Variants in NEB observed in about 807,000 individuals in gnomAD.
The protein encoded by NEB is nebulin.
In NEB, 512 loss-of-function variants were observed where a neutral mutation model predicts 952.2. The observed-to-expected ratio is 0.54, with a 90% CI of 0.50 to 0.58. The LOEUF (loss-of-function observed/expected upper bound fraction) is 0.58. NEB is among the 20% of genes least tolerant of loss of function. The probability of loss-of-function intolerance (pLI) is 0.00; values close to 1 mark genes in which losing one functional copy is unlikely to be tolerated. For missense variants in NEB, 8,428 were observed against 9,231.1 expected (o/e 0.91, Z 3.56); for synonymous variants, 2,900 against 3,149.8 (o/e 0.92, Z 2.66).
At chr2:151,650,999 G>T in intron 52 of NEB, 114 bp from the exon 53 acceptor site, 1 of 1,089,986 alleles carries the variant, frequency 9.2e-7, no homozygotes, top group Non-Finnish European at 1.3e-6. Flanking sequence ...ATGTTTCCCA[G>T]GCTGGTCTTG....
intron 36 of NEB, among the ~76,000 whole-genome samples, chr2:151,673,072 A>G (rs2099319821): frequency 6.6e-6 from 1 of 152,192 alleles, no homozygotes; most frequent in Admixed American, 6.5e-5. Flanking sequence ...CAGCTATAGG[A>G]TAGCTGGGCC....
In NEB at chr2:151,680,761, T is replaced by G. The variant is rs2099408496; in HGVS notation, c.3011A>C (p.Gln1004Pro). The change falls in exon 30 of 182, where the codon CAG becomes CCG. Residue 1004 changes from glutamine (Q) to proline (P), a missense_variant. Gln to Pro is a moderately conservative substitution (Grantham distance 76). This residue lies in a region of NEB where 2,851 missense variants were observed against 2,791.5 expected (regional missense o/e 1.02). Transcript: ENST00000397345. ...TSIEDAPITVQSKINQAQRSD... is the reference protein window; with the variant it reads ...TSIEDAPITVPSKINQAQRSD... ...CCTCTGGGCCTGGTTAATTTTAGACTGTACTGTAATTGGAGCATCTTCAAT... is the reference window on the plus strand; with the variant it reads ...CCTCTGGGCCTGGTTAATTTTAGACGGTACTGTAATTGGAGCATCTTCAAT... The G allele has an allele frequency of 1.9e-6, 3 of 1,612,278 alleles. No individual in the cohort carries two copies. Among genetic ancestry groups the G allele is most frequent in the Non-Finnish European group, 2.5e-6 (3 of 1,178,556 alleles).
At chr2:151,620,390 T>TA (rs1332980460) in intron 72 of NEB, among the ~76,000 whole-genome samples, 1 of 136,184 alleles carries the variant, frequency 7.3e-6, no homozygotes, top group Non-Finnish European at 1.6e-5. Flanking sequence ...TATATATATA[T>TA]ATTTAACCAG....
rs756829657 is a variant in NEB, at chr2:151,565,809, T to C, written c.18168A>G (p.Arg6056=). 1.2e-6 allele frequency: 2 copies of C among 1,608,820 alleles called. No individual in the cohort carries two copies. The highest frequency in any genetic ancestry group is 1.7e-6 in the Non-Finnish European group (2 of 1,177,076). ...TGCCTCGGAGCCACTCCAGGTCAGCTCTGTAGACATTCTGAGAGCAGGAAG... is the reference window on the plus strand; with the variant it reads ...TGCCTCGGAGCCACTCCAGGTCAGCCCTGTAGACATTCTGAGAGCAGGAAG... ...AYDLQSDNVY[R]ADLEWLRGIG... The change falls in exon 115 of 182, where the codon AGA becomes AGG. Residue 6056 remains arginine (R), a synonymous_variant. Transcript: ENST00000397345.
intron 54 of NEB, among the ~76,000 whole-genome samples, chr2:151,646,916 G>A (rs963759732): frequency 6.6e-6 from 1 of 152,084 alleles, no homozygotes; most frequent in Non-Finnish European, 1.5e-5. Flanking sequence ...ACAGGTGTGA[G>A]CCACTGTGTC....
intron 148 of NEB, 82 bp from the exon 149 acceptor site, chr2:151,526,344 C>G (rs2085890433): frequency 3.2e-6 from 3 of 944,296 alleles, no homozygotes; most frequent in African/African-American, 3.3e-5. Context: ...ACCAGTAGAA[C>G]AGCAGCGTTG....
intron 81 of NEB, 38 bp downstream of exon 81, chr2:151,609,771 C>T (rs1054740740): frequency 2.0e-6 from 3 of 1,516,640 alleles, no homozygotes; most frequent in Non-Finnish European, 2.7e-6. Flanking sequence ...AAATCTACAT[C>T]TTCCCCTTCC....
In NEB at chr2:151,627,551, G is replaced by A; in HGVS notation, c.10115C>T (p.Ala3372Val). 2 of 1,614,022 alleles carry A rather than the reference G, an allele frequency of 1.2e-6. No homozygotes were observed. Among genetic ancestry groups the A allele is most frequent in the South Asian group, 2.2e-5 (2 of 91,088 alleles). The change falls in exon 69 of 182, where the codon GCT becomes GTT. Residue 3372 changes from alanine (A) to valine (V), a missense_variant. Physicochemically the swap from Ala to Val is moderately conservative, Grantham distance 64. Transcript: ENST00000397345. ...GCTCTGGAGGTCATAGGCCTGCCGA[G>A]CATGGATGACATCATTCTGGTCGGG... ...CLPDQNDVIH[A>V]RQAYDLQSDN...
rs1258782072 is a variant in NEB, at chr2:151,632,987, T to TA, written c.9414+666dup. Among the ~76,000 whole-genome samples, 9 of 152,346 alleles carry TA rather than the reference T, an allele frequency of 5.9e-5. No homozygotes were observed. In the South Asian group the frequency reaches 1.9e-3, roughly 32 times the overall value. ...CGTGGGAGTTTTCTCAGGTAGGCTGTAAGTTTTTAGGAACAACCAATTAAT... is the reference window on the plus strand; with the variant it reads ...CGTGGGAGTTTTCTCAGGTAGGCTGTAAAGTTTTTAGGAACAACCAATTAAT... On this transcript the variant is annotated intron_variant, in intron 65 of 181. Transcript: ENST00000397345.
chr2:151,521,177 A>G (rs1274832453), intron 153 of NEB, among the ~76,000 whole-genome samples: 3 of 152,152 alleles, frequency 2.0e-5, no homozygotes, highest in Non-Finnish European at 4.4e-5. Flanking sequence ...AACTTGACAC[A>G]TCCAGCACAA....
At position 151,562,175 on chromosome 2, in the gene NEB, C is replaced by A. The variant is rs1470582880; in HGVS notation, c.18931G>T (p.Gly6311Cys). ...KDDLNWLKGI[G>C]CYVWDTPQIL... ...TGGGGTGTATCCCAAACGTAGCAACCAATGCCTTTCAACCAATTCAGGTCA... is the reference window on the plus strand; with the variant it reads ...TGGGGTGTATCCCAAACGTAGCAACAAATGCCTTTCAACCAATTCAGGTCA... The change falls in exon 121 of 182, where the codon GGT (glycine) becomes TGT (cysteine). Residue 6311 changes from glycine to cysteine, a missense_variant. Around this residue, in one of 11 missense-constraint regions of NEB, gnomAD observed 3,374 missense variants for 3,651.5 expected, o/e 0.92. Transcript: ENST00000397345. The A allele has an allele frequency of 1.9e-6, 3 of 1,613,556 alleles. No individual in the cohort carries two copies. Among genetic ancestry groups the A allele is most frequent in the Admixed American group, 3.3e-5 (2 of 60,004 alleles).
At chr2:151,552,980 T>C (rs1333305627) in intron 127 of NEB, among the ~76,000 whole-genome samples, 2 of 152,208 alleles carry the variant, frequency 1.3e-5, no homozygotes, top group Non-Finnish European at 2.9e-5. Flanking sequence ...ACTTGATAAC[T>C]ACTCTTCTAG....
intron 181 of NEB, among the ~76,000 whole-genome samples, chr2:151,487,666 C>G (rs2052063119): frequency 6.6e-6 from 1 of 152,010 alleles, no homozygotes; most frequent in Non-Finnish European, 1.5e-5. Context: ...AGCATCCTAC[C>G]GTTTATCTTT....
At chr2:151,608,817 C>T (rs1231789098) in intron 81 of NEB, 141 bp from the exon 82 acceptor site, 11 of 97,864 alleles carry the variant, frequency 1.1e-4, no homozygotes, top group Admixed American at 3.5e-4. Context: ...GCAGGAGAAT[C>T]GCTTGAACCC....
At chr2:151,547,009 G>A (rs574649870) in intron 133 of NEB, among the ~76,000 whole-genome samples, 2 of 152,236 alleles carry the variant, frequency 1.3e-5, no homozygotes, top group South Asian at 2.1e-4. Flanking sequence ...TGAATGGATT[G>A]GTCTTTTAGG....
chr2:151,686,450 G>A (rs188458494), intron 27 of NEB, among the ~76,000 whole-genome samples: 8 of 152,282 alleles, frequency 5.3e-5, no homozygotes, highest in Admixed American at 2.6e-4. Context: ...TATCAATGGG[G>A]AGTTATATCC....
intron 64 of NEB, 22 bp downstream of exon 64, chr2:151,636,205 C>G (rs2098760707): frequency 6.3e-7 from 1 of 1,579,576 alleles, no homozygotes; most frequent in Non-Finnish European, 8.6e-7. Flanking sequence ...ATCACATACT[C>G]AGAATGGAAT....
intron 55 of NEB, among the ~76,000 whole-genome samples, chr2:151,645,553 C>G (rs1298216754): frequency 3.3e-5 from 5 of 152,078 alleles, no homozygotes; most frequent in Admixed American, 6.6e-5. Context: ...ATTTAAAGTG[C>G]CTATTGATCT....
intron 6 of NEB, 70 bp downstream of exon 6, chr2:151,725,383 G>C (rs774587707): frequency 5.6e-6 from 7 of 1,242,236 alleles, no homozygotes; most frequent in Non-Finnish European, 3.5e-6. Context: ...CACATATTTA[G>C]AGCCCACAAT....
Sources: gnomAD v4.1 joint callset for allele counts (sites outside exome capture counted in the v4.1 genomes callset) on GRCh38, gnomAD v4.1.1 for gene constraint, gnomAD v4.1.1 regional missense constraint, MANE v1.5 for transcripts, NCBI Gene and HGNC (gene_info 2026-07-23, HGNC 2026-07-21) for gene names.